PISD: variants seen among roughly 807,000 people sequenced by gnomAD.
PISD encodes phosphatidylserine decarboxylase, also known as phosphatidylserine decarboxylase proenzyme, mitochondrial.
A neutral mutation model predicts 43.5 loss-of-function variants in PISD; 31 were observed. The observed-to-expected ratio is 0.71, with a 90% CI of 0.54 to 0.96. The LOEUF (loss-of-function observed/expected upper bound fraction) is 0.96. Ranked by LOEUF, PISD falls within the 40% of genes least tolerant of loss-of-function variation. The pLI, the probability that PISD is intolerant of heterozygous loss-of-function variation, is 0.00. For synonymous variants in PISD, 259 were observed against 228.7 expected (o/e 1.13, Z -1.20); for missense variants, 523 against 548.4 (o/e 0.95, Z 0.46).
In PISD at chr22:31,630,973, G is replaced by T; in HGVS notation, c.322-9088C>A. 1 of 597,662 alleles carries T rather than the reference G, an allele frequency of 1.7e-6. No individual in the cohort carries two copies. The highest frequency in any genetic ancestry group is 6.3e-5 in the Admixed American group (1 of 15,854). 37.0% of individuals were successfully genotyped at this position (597,662 alleles called of 1,614,324 possible). A position where few individuals can be genotyped will look rare whatever the true frequency, so the allele number is the denominator to read the frequency against. On this transcript the variant is annotated intron_variant, in intron 3 of 7. Transcript: ENST00000439502. The surrounding 1 kb of genome is among the most constrained non-coding windows in gnomAD (Gnocchi z 4.4). ...AAGCTGCCGCCCCCTCTGAGCCCCA[G>T]TCCTGCTGGGCCGTCCGCCCAACCC...
intron 3 of PISD, among the ~76,000 whole-genome samples, chr22:31,634,694 C>T (rs888713065): frequency 6.7e-6 from 1 of 149,746 alleles, no homozygotes; most frequent in Non-Finnish European, 1.5e-5. Flanking sequence ...AAAAATTAGC[C>T]AGGTGTGGTG....
intron 3 of PISD, among the ~76,000 whole-genome samples, chr22:31,637,131 TAATAAATAAATTAA>T (rs1386476878): frequency 2.7e-4 from 18 of 66,504 alleles, no homozygotes; most frequent in African/African-American, 9.5e-4. Context: ...AAAAAAATAA[TAATAAATAAATTAA>T]AAAAAAAAAA....
rs145702359 is a variant in PISD, at chr22:31,647,542, T to G, written c.321+559A>C. On this transcript the variant is annotated intron_variant, in intron 3 of 7. Coordinates refer to ENST00000439502, the MANE Select transcript of PISD (RefSeq NM_001326411.2). The stretch of plus-strand genomic sequence containing the variant: ...CAATTGTTAAACTTACACCTTTATA[T>G]TCAGTTTCACAATTTACTGAATGTC... Among the ~76,000 whole-genome samples the G allele has an allele frequency of 7.9e-5, 12 of 152,340 alleles. No homozygotes were observed. In the East Asian group the frequency reaches 2.3e-3, roughly 29 times the overall value.
At chr22:31,658,935 C>G (rs988118489) in intron 1 of PISD, among the ~76,000 whole-genome samples, 1 of 151,280 alleles carries the variant, frequency 6.6e-6, no homozygotes, top group East Asian at 1.9e-4. Flanking sequence ...CTCACTGCAG[C>G]CTCAACCTCC....
chr22:31,619,891 AC>A (rs1472750009), intron 7 of PISD, 55 bp from the exon 8 acceptor site: 1 of 1,178,554 alleles, frequency 8.5e-7, no homozygotes, highest in Admixed American at 2.0e-5. Context: ...GCACAGTGTC[AC>A]CCCCACATGT....
chr22:31,662,533 T>G (rs577791174), upstream of PISD: 6 of 401,828 alleles, frequency 1.5e-5, no homozygotes, highest in African/African-American at 4.1e-5. Flanking sequence ...TGATCGAACT[T>G]GCTCATTTTA....
At chr22:31,647,207 C>T (rs553268167) in intron 3 of PISD, among the ~76,000 whole-genome samples, 7 of 152,184 alleles carry the variant, frequency 4.6e-5, no homozygotes, top group Non-Finnish European at 1.0e-4. Flanking sequence ...GAGTCATGTT[C>T]GAACCCAACC....
intron 5 of PISD, 73 bp downstream of exon 5, chr22:31,621,261 C>T: frequency 6.2e-7 from 1 of 1,610,658 alleles, no homozygotes; most frequent in Non-Finnish European, 8.5e-7. Context: ...AGTTCCTTCC[C>T]CAGCATTCCC....
At position 31,651,232 on chromosome 22, in the gene PISD, G is replaced by A. The variant is rs529284844; in HGVS notation, c.66-454C>T. On this transcript the variant is annotated intron_variant, in intron 1 of 7. Transcript: ENST00000439502. ...ACCAGCCTCAGCCTCCCAAAGTGCT[G>A]GGATTACAGGCATGAGCCACCAGGC... 3.9e-5 allele frequency among the ~76,000 whole-genome samples: 6 copies of A among 152,240 alleles called. No homozygotes were observed. In the South Asian group the frequency reaches 1.2e-3, roughly 32 times the overall value.
chr22:31,627,673 G>A (rs1260316210), intron 3 of PISD, among the ~76,000 whole-genome samples: 5 of 152,186 alleles, frequency 3.3e-5, no homozygotes. Flanking sequence ...AGGGGCCTTG[G>A]GGAGCCCCAG....
At position 31,620,996 on chromosome 22, in the gene PISD, C is replaced by G. The variant is rs1417058171; in HGVS notation, c.844G>C (p.Gly282Arg). Residue 282 changes from glycine to arginine, a missense_variant and splice_region_variant, in exon 6 of 8, where the codon GGC (glycine) becomes CGC (arginine). Coordinates refer to ENST00000439502, the MANE Select transcript of PISD (RefSeq NM_001326411.2). Reference protein sequence around the residue: ...WTVSHRRHFPGSLMSVNPGMA... With the variant: ...WTVSHRRHFPRSLMSVNPGMA... Reference sequence around the variant, plus strand: ...CCCCCCACGCTGGCCCCGGGCTGACCTGGGAAGTGGCGCCGGTGGGACACA... The same window carrying G: ...CCCCCCACGCTGGCCCCGGGCTGACGTGGGAAGTGGCGCCGGTGGGACACA... 1 of 1,612,038 alleles carries G rather than the reference C, an allele frequency of 6.2e-7. No homozygotes were observed. Among genetic ancestry groups the G allele is most frequent in the Non-Finnish European group, 8.5e-7 (1 of 1,179,156 alleles).
intron 3 of PISD, among the ~76,000 whole-genome samples, chr22:31,637,207 A>ATG (rs71184515): frequency 4.3e-5 from 5 of 116,262 alleles, no homozygotes; most frequent in Non-Finnish European, 5.2e-5. Flanking sequence ...ATATATATAT[A>ATG]GAAAAATTAG....
chr22:31,641,018 G>C (rs1229444712), intron 3 of PISD, among the ~76,000 whole-genome samples: 1 of 149,906 alleles, frequency 6.7e-6, no homozygotes, highest in Non-Finnish European at 1.5e-5. Flanking sequence ...CTCCCAAGTA[G>C]CTGGGATTAC....
Position 31,619,262 on chromosome 22 carries a change from C to T in PISD, c.*350G>A. 1 of 351,506 alleles carries T rather than the reference C, an allele frequency of 2.8e-6. No homozygotes were observed. Among genetic ancestry groups the T allele is most frequent in the African/African-American group, 2.1e-5 (1 of 46,706 alleles). The allele number at this position is 351,506 out of a possible 1,614,324, so 21.8% of individuals were successfully genotyped here. ...GCTCAGGTGATGGGGGGAGGAGCAGCAAGAAAAAACGACAACCGAGACCAA... is the reference window on the plus strand; with the variant it reads ...GCTCAGGTGATGGGGGGAGGAGCAGTAAGAAAAAACGACAACCGAGACCAA... On this transcript the variant is annotated 3_prime_UTR_variant, in exon 8 of 8. Transcript: ENST00000439502.
At chr22:31,642,334 T>A (rs1022063490) in intron 3 of PISD, among the ~76,000 whole-genome samples, 8 of 150,734 alleles carry the variant, frequency 5.3e-5, no homozygotes, top group Non-Finnish European at 1.5e-5. Context: ...CTGTGCACCA[T>A]GTCCCAGCTA....
chr22:31,637,167 ATATATATATATATATAT>A (rs1569487613), intron 3 of PISD, among the ~76,000 whole-genome samples: 18 of 19,222 alleles, frequency 9.4e-4, no homozygotes, highest in Non-Finnish European at 1.3e-3. Context: ...AAAAAAAAAT[ATATATATATATATATAT>A]ATATATATAT....
At chr22:31,620,473 C>T (rs1442518329) in intron 7 of PISD, 80 bp downstream of exon 7, 2 of 1,415,378 alleles carry the variant, frequency 1.4e-6, no homozygotes, top group Non-Finnish European at 2.0e-6. Flanking sequence ...AGTCCCAACG[C>T]ATCCGCCGCA....
At chr22:31,620,913 C>T in intron 6 of PISD, 83 bp downstream of exon 6, 1 of 1,479,474 alleles carries the variant, frequency 6.8e-7, no homozygotes, top group Non-Finnish European at 9.0e-7. Context: ...TGATCTGGAG[C>T]CTGGTCCCCC....
At chr22:31,625,672 C>T (rs2072866398) in intron 3 of PISD, 2 of 1,498,906 alleles carry the variant, frequency 1.3e-6, no homozygotes, top group Non-Finnish European at 9.1e-7. Context: ...TTGCCGCCAC[C>T]TCTACTGCGA....
Sources: gnomAD v4.1 joint callset for allele counts (sites outside exome capture counted in the v4.1 genomes callset) on GRCh38, gnomAD v4.1.1 for gene constraint, Gnocchi (gnomAD v3.1) non-coding constraint, MANE v1.5 for transcripts, NCBI Gene and HGNC (gene_info 2026-07-23, HGNC 2026-07-21) for gene names.